BFAR: variants seen among roughly 807,000 people sequenced by gnomAD.
BFAR encodes the protein bifunctional apoptosis regulator.
Under a neutral mutation model 54.4 loss-of-function variants are expected in BFAR, and 52 were observed. That is an observed-to-expected ratio of 0.96 (90% CI 0.77 to 1.21). The LOEUF is 1.21. BFAR is among the 50% of genes most tolerant of loss of function. BFAR has a pLI of 0.00. For missense variants in BFAR, 571 were observed against 534.0 expected, an observed-to-expected ratio of 1.07 and a Z score of -0.68; for synonymous variants, 215 against 204.3, an observed-to-expected ratio of 1.05 and a Z score of -0.45.
At chr16:14,645,566 T>C (rs912165733) in intron 2 of BFAR, among the ~76,000 whole-genome samples, 2 of 152,186 alleles carry the variant, frequency 1.3e-5, no homozygotes, top group African/African-American at 4.8e-5. Context: ...TGTCTAACAA[T>C]GTGTGTGCCC....
chr16:14,635,670 C>T (rs1264727789), intron 1 of BFAR, among the ~76,000 whole-genome samples: 1 of 151,964 alleles, frequency 6.6e-6, no homozygotes, highest in Non-Finnish European at 1.5e-5. Flanking sequence ...CTTTGCTCCA[C>T]TGGTTTCTGA....
At chr16:14,644,668 CTTTT>C (rs376559546) in intron 2 of BFAR, 59 bp downstream of exon 2, 455 of 1,328,148 alleles carry the variant, frequency 3.4e-4, no homozygotes, top group Non-Finnish European at 4.0e-4. Flanking sequence ...TTCTCTCTTG[CTTTT>C]TTTTTTTTTT....
At chr16:14,638,899 T>G (rs952594513) in intron 1 of BFAR, among the ~76,000 whole-genome samples, 5 of 151,642 alleles carry the variant, frequency 3.3e-5, no homozygotes, top group African/African-American at 4.9e-5. Context: ...GAGCCGAGAT[T>G]GCACCACTGC....
rs773018148 is a variant in BFAR at position 14,645,799 on chromosome 16, C to G, written c.263+1190C>G. Among the ~76,000 whole-genome samples the G allele has an allele frequency of 3.3e-5, 5 of 152,212 alleles. No individual in the cohort carries two copies. The East Asian group carries it at 9.6e-4, about 29-fold the overall frequency. ...TTATTACTGAATTTTGCTTTTTTCC[C>G]TTCTTATAAACTGATTTTAATAACA... On this transcript the variant is annotated intron_variant, in intron 2 of 7. Coordinates refer to ENST00000261658, the MANE Select transcript of BFAR (RefSeq NM_016561.3).
chr16:14,636,847 G>A (rs1320034167), intron 1 of BFAR, among the ~76,000 whole-genome samples: 2 of 152,218 alleles, frequency 1.3e-5, no homozygotes, highest in African/African-American at 4.8e-5. Flanking sequence ...TGAGATTAGG[G>A]AGTGGTGATG....
At chr16:14,660,074 T>A (rs1960247460) in intron 5 of BFAR, among the ~76,000 whole-genome samples, 1 of 152,134 alleles carries the variant, frequency 6.6e-6, no homozygotes. Context: ...ATGGGGAACA[T>A]CTCCGTCACT....
chr16:14,633,778 G>A (rs981845490), intron 1 of BFAR, among the ~76,000 whole-genome samples: 1 of 152,180 alleles, frequency 6.6e-6, no homozygotes, highest in Non-Finnish European at 1.5e-5. Flanking sequence ...TCAGCCTTCT[G>A]AGTAGCTGGG....
At chr16:14,660,609 C>G (rs1960261996) in intron 5 of BFAR, among the ~76,000 whole-genome samples, 1 of 112,462 alleles carries the variant, frequency 8.9e-6, no homozygotes. Flanking sequence ...TTTAAAGAAA[C>G]GAGGTCTTAC....
chr16:14,665,423 C>G (rs1960415562), intron 7 of BFAR, among the ~76,000 whole-genome samples: 1 of 152,090 alleles, frequency 6.6e-6, no homozygotes, highest in South Asian at 2.1e-4. Flanking sequence ...AAACCTATCC[C>G]CTAAATCAGA....
chr16:14,649,815 C>A lies in BFAR; in HGVS notation c.480C>A (p.Leu160=), dbSNP rs186678539. The A allele has an allele frequency of 6.2e-7, 1 of 1,603,448 alleles. No homozygotes were observed. The highest frequency in any genetic ancestry group is 1.1e-5 in the South Asian group (1 of 89,776). ...TCACTTTTCCCCAGGTGGTCCTGCTCGTCTATCACTGGAGCAGCAGGGAAT... is the reference window on the plus strand; with the variant it reads ...TCACTTTTCCCCAGGTGGTCCTGCTAGTCTATCACTGGAGCAGCAGGGAAT... ...TALTGVAVVL[L]VYHWSSRESE... The change falls in exon 4 of 8, where the codon CTC becomes CTA. Residue 160 remains leucine (L), a synonymous_variant. Transcript: ENST00000261658.
At chr16:14,654,137 G>A (rs1960053610) in intron 4 of BFAR, among the ~76,000 whole-genome samples, 1 of 147,704 alleles carries the variant, frequency 6.8e-6, no homozygotes, top group Non-Finnish European at 1.5e-5. Flanking sequence ...TCAGCCTCCC[G>A]AGTAGCTGGG....
intron 4 of BFAR, 147 bp from the exon 5 acceptor site, chr16:14,654,919 A>G: frequency 1.2e-6 from 1 of 809,268 alleles, no homozygotes; most frequent in Non-Finnish European, 1.9e-6. Context: ...GCATTCAATT[A>G]TTTGCTGCTC....
intron 5 of BFAR, among the ~76,000 whole-genome samples, chr16:14,658,930 G>A (rs1354963943): frequency 6.7e-6 from 1 of 150,342 alleles, no homozygotes; most frequent in Non-Finnish European, 1.5e-5. Context: ...TTTCTGAGAT[G>A]GAGTTTTGCT....
rs1278840397 is a variant in BFAR, at chr16:14,644,473, A to C, written c.127A>C (p.Asn43His). Residue 43 changes from asparagine to histidine, a missense_variant, in exon 2 of 8, where the codon AAC (asparagine) becomes CAC (histidine). By Grantham distance (68) the Asn-to-His change is moderately conservative (BLOSUM62 1). Coordinates refer to ENST00000261658, the MANE Select transcript of BFAR (RefSeq NM_016561.3). ...SCHCCYDILV[N>H]PTTLNCGHSF... ...CCACTGCTGCTACGACATCCTGGTT[A>C]ACCCCACCACCTTGAACTGTGGGCA... is the stretch of plus-strand genomic sequence containing the variant. 3 of 1,614,062 alleles carry C rather than the reference A, an allele frequency of 1.9e-6. No individual in the cohort carries two copies. Among genetic ancestry groups the C allele is most frequent in the Non-Finnish European group, 2.5e-6 (3 of 1,180,008 alleles).
intron 7 of BFAR, 36 bp from the exon 8 acceptor site, chr16:14,667,599 G>C: frequency 3.8e-6 from 6 of 1,586,412 alleles, no homozygotes; most frequent in Non-Finnish European, 4.3e-6. Context: ...GTCATGAGAA[G>C]CGCCTCCGAT....
At chr16:14,641,659 CAA>C (rs1192587379) in intron 1 of BFAR, among the ~76,000 whole-genome samples, 1 of 151,890 alleles carries the variant, frequency 6.6e-6, no homozygotes, top group Non-Finnish European at 1.5e-5. Flanking sequence ...GTCAGGAGTT[CAA>C]GACCAACCTG....
Position 14,668,134 on chromosome 16 carries a change from C to T in BFAR, c.*307C>T. The stretch of plus-strand genomic sequence containing the variant: ...AACGGCTGGCAAGACTCAGGGTCCT[C>T]AGTGGACATGGTGTGGGTGACATCA... On this transcript the variant is annotated 3_prime_UTR_variant, in exon 8 of 8. Coordinates refer to ENST00000261658, the MANE Select transcript of BFAR (RefSeq NM_016561.3). The T allele has an allele frequency of 2.6e-6, 1 of 389,516 alleles. No homozygotes were observed. Among genetic ancestry groups the T allele is most frequent in the Non-Finnish European group, 4.7e-6 (1 of 214,766 alleles). The allele number at this position is 389,516 out of a possible 1,614,324, so 24.1% of individuals were successfully genotyped here. A position where few individuals can be genotyped will look rare whatever the true frequency, so the allele number is the denominator to read the frequency against.
Position 14,644,532 on chromosome 16 carries a change from G to C in BFAR, c.186G>C (p.Trp62Cys). The C allele has an allele frequency of 1.2e-6, 2 of 1,613,892 alleles. No homozygotes were observed. The highest frequency in any genetic ancestry group is 8.5e-7 in the Non-Finnish European group (1 of 1,179,942). ...SFCRHCLALW[W>C]ASSKKTECPE... is the part of the protein sequence containing the mutation. ...GCCGTCACTGCCTTGCTTTATGGTG[G>C]GCATCTTCAAAGAAAACAGAATGTC... is the stretch of plus-strand genomic sequence containing the variant. The change falls in exon 2 of 8, where the codon TGG (tryptophan) becomes TGC (cysteine). Residue 62 changes from tryptophan to cysteine, a missense_variant. Coordinates refer to ENST00000261658, the MANE Select transcript of BFAR (RefSeq NM_016561.3).
intron 1 of BFAR, among the ~76,000 whole-genome samples, chr16:14,633,658 T>C (rs1251718654): frequency 1.3e-5 from 2 of 152,098 alleles, no homozygotes; most frequent in Non-Finnish European, 2.9e-5. Flanking sequence ...GAATTTTCTT[T>C]TTTTTCTTTT....
Sources: gnomAD v4.1 joint callset for allele counts (sites outside exome capture counted in the v4.1 genomes callset) on GRCh38, gnomAD v4.1.1 for gene constraint, MANE v1.5 for transcripts, NCBI Gene and HGNC (gene_info 2026-07-23, HGNC 2026-07-21) for gene names.